Variants in KLHDC4 observed in about 807,000 individuals in gnomAD.
KLHDC4 encodes the protein kelch domain containing 4, also known as kelch domain-containing protein 4.
KLHDC4 carries 90 observed loss-of-function variants against 62.4 expected under a neutral mutation model. The ratio of observed to expected loss-of-function variants is 1.44; its 90% CI spans 1.22 to 1.72. The LOEUF (loss-of-function observed/expected upper bound fraction) is 1.72, where lower values mean the gene tolerates loss of function less well. Ranked by LOEUF, KLHDC4 falls within the 40% of genes most tolerant of loss-of-function variation. The pLI is 0.00. For missense variants in KLHDC4, 1,025 were observed against 699.7 expected (o/e 1.47, Z -5.25); for synonymous variants, 386 against 284.4 (o/e 1.36, Z -3.59).
chr16:87,745,024 A>G (rs2042834523), intron 5 of KLHDC4, among the ~76,000 whole-genome samples: 1 of 152,228 alleles, frequency 6.6e-6, no homozygotes, highest in African/African-American at 2.4e-5. Context: ...GCTTTTTTCC[A>G]AGCATATGTT....
rs74585020 is a variant in KLHDC4 at position 87,749,553 on chromosome 16, C to CAAA, written c.370-747_370-745dup. Among the ~76,000 whole-genome samples, 153 of 76,086 alleles carry CAAA rather than the reference C, an allele frequency of 2.0e-3. 2 individuals are homozygous for CAAA. The highest frequency in any genetic ancestry group is 0.013 in the East Asian group (40 of 3,048). 49.9% of individuals were successfully genotyped at this position (76,086 alleles called of 152,430 possible). A position where few individuals can be genotyped will look rare whatever the true frequency, so the allele number is the denominator to read the frequency against. ...TGGACGACAGAGCGAGACTCCATGT[C>CAAA]AAAAAAAAAAAAAAAAAAGAAAGAA... is the stretch of plus-strand genomic sequence containing the variant. On this transcript the variant is annotated intron_variant, in intron 4 of 11. Transcript: ENST00000270583.
At chr16:87,750,897 T>G (rs1379596809) in intron 4 of KLHDC4, 1 of 152,232 alleles carries the variant, frequency 6.6e-6, no homozygotes, top group Non-Finnish European at 1.5e-5. Context: ...AGGCCAGGTT[T>G]CCTATCATTC....
chr16:87,754,850 T>A (rs1295137587), intron 4 of KLHDC4, among the ~76,000 whole-genome samples: 1 of 152,204 alleles, frequency 6.6e-6, no homozygotes, highest in Non-Finnish European at 1.5e-5. Flanking sequence ...CATGCACACC[T>A]TTCCTGAACA....
chr16:87,753,532 G>A (rs904950502), intron 4 of KLHDC4, among the ~76,000 whole-genome samples: 2 of 152,220 alleles, frequency 1.3e-5, no homozygotes, highest in South Asian at 2.1e-4. Flanking sequence ...GGGAGCAGTG[G>A]CTCACGCCTG....
At chr16:87,764,568 G>A (rs2046329956) in intron 1 of KLHDC4, among the ~76,000 whole-genome samples, 1 of 134,048 alleles carries the variant, frequency 7.5e-6, no homozygotes, top group African/African-American at 2.8e-5. Flanking sequence ...AGAACCACTT[G>A]AACCTGGGAG....
intron 4 of KLHDC4, among the ~76,000 whole-genome samples, chr16:87,749,397 T>TAC (rs763018835): frequency 6.6e-5 from 10 of 151,690 alleles, no homozygotes; most frequent in Non-Finnish European, 1.3e-4. Flanking sequence ...CTACTAAAAA[T>TAC]ACAAACATTA....
chr16:87,705,731 G>C (rs1354239193), downstream of KLHDC4, among the ~76,000 whole-genome samples: 1 of 152,162 alleles, frequency 6.6e-6, no homozygotes, highest in Non-Finnish European at 1.5e-5. Context: ...GAAAGAACCG[G>C]CCACACAATG....
intron 5 of KLHDC4, among the ~76,000 whole-genome samples, chr16:87,740,085 G>A (rs1472663582): frequency 6.6e-6 from 1 of 152,170 alleles, no homozygotes. Flanking sequence ...CCAATGGAGG[G>A]AGACGAATCT....
chr16:87,748,723 G>C lies in KLHDC4; in HGVS notation c.456C>G (p.Tyr152Ter). Residue 152 changes from tyrosine to a stop codon, truncating the protein, a stop_gained, in exon 5 of 12, where the codon TAC becomes TAG. Transcript: ENST00000270583. LOFTEE classifies it high-confidence loss of function. ...ASPNGEQFYH[Y>*]KDLWVLHLAT... ...CCAAATGCAGGACCCAGAGATCCTTGTAGTGGTAGAACTGCTCTCCGTTGG... is the reference window on the plus strand; with the variant it reads ...CCAAATGCAGGACCCAGAGATCCTTCTAGTGGTAGAACTGCTCTCCGTTGG... The C allele has an allele frequency of 6.2e-7, 1 of 1,613,598 alleles. No homozygotes were observed. Among genetic ancestry groups the C allele is most frequent in the Non-Finnish European group, 8.5e-7 (1 of 1,179,914 alleles).
Position 87,755,248 on chromosome 16 carries a change from G to A in KLHDC4, c.315C>T (p.Asp105=), listed in dbSNP as rs767728247. 1.6e-5 allele frequency: 26 copies of A among 1,611,444 alleles called. 1 individual carries two copies. In the South Asian group the frequency reaches 1.8e-4, roughly 11 times the overall value. Reference sequence around the variant, plus strand: ...TGGGGATGTCAACTTTGGTCCAGGTGTCCTTTCTGGTATTGTAGACATAGA... The same window carrying A: ...TGGGGATGTCAACTTTGGTCCAGGTATCCTTTCTGGTATTGTAGACATAGA... The part of the protein sequence containing the change: ...NELYVYNTRK[D]TWTKVDIPSP... The change falls in exon 4 of 12, where the codon GAC becomes GAT. Residue 105 remains aspartate (D), a synonymous_variant. Transcript: ENST00000270583.
chr16:87,727,485 C>T (rs1007475195), intron 6 of KLHDC4, among the ~76,000 whole-genome samples: 4 of 152,112 alleles, frequency 2.6e-5, no homozygotes, highest in African/African-American at 7.2e-5. Context: ...GGGGACTGGG[C>T]GCTCCAGGGA....
At chr16:87,734,829 G>T (rs538309471) in intron 5 of KLHDC4, among the ~76,000 whole-genome samples, 1 of 152,066 alleles carries the variant, frequency 6.6e-6, no homozygotes, top group African/African-American at 2.4e-5. Flanking sequence ...CACCGCAGGG[G>T]ACAGCACCAT....
At chr16:87,751,495 T>C (rs1449902988) in intron 4 of KLHDC4, among the ~76,000 whole-genome samples, 1 of 138,596 alleles carries the variant, frequency 7.2e-6, no homozygotes, top group East Asian at 2.2e-4. Flanking sequence ...AAAAAAAAAA[T>C]GAACTTTATG....
At chr16:87,704,056 C>T (rs111446033), downstream of KLHDC4, among the ~76,000 whole-genome samples, 1,000 of 152,348 alleles carry the variant, frequency 6.6e-3, 3 homozygotes, top group Non-Finnish European at 0.012. Flanking sequence ...AGCTAGAGCT[C>T]GGCTCCTTTT....
At position 87,747,015 on chromosome 16, in the gene KLHDC4, G is replaced by A. The variant is rs140394293; in HGVS notation, c.506+1658C>T. On this transcript the variant is annotated intron_variant, in intron 5 of 11. Transcript: ENST00000270583. The stretch of plus-strand genomic sequence containing the variant: ...GTAGGGGCTGCCATCCGCAGCTGCC[G>A]GCCCAAGAGAGGGGCCAGGGCCACT... 4.7e-3 allele frequency among the ~76,000 whole-genome samples: 710 copies of A among 152,336 alleles called. 7 individuals are homozygous for A. The highest frequency in any genetic ancestry group is 0.016 in the African/African-American group (659 of 41,578).
intron 3 of KLHDC4, 56 bp from the exon 4 acceptor site, chr16:87,755,348 G>C: frequency 2.1e-6 from 2 of 933,938 alleles, no homozygotes; most frequent in Non-Finnish European, 3.5e-6. Context: ...CAAGGAAGTG[G>C]TGAGAACAAT....
chr16:87,755,044 A>G, intron 4 of KLHDC4, 150 bp downstream of exon 4: 1 of 540,778 alleles, frequency 1.8e-6, no homozygotes. Flanking sequence ...AAGCTGAGTA[A>G]GGAATCCAAG....
In KLHDC4 at chr16:87,714,692, C is replaced by T. The variant is rs1177689439; in HGVS notation, c.760-119G>A. ...GCTGGAGGCCTTCCCTGTAGACCAGCCCCAAAGCTCCAAAGCGTGCCTGCA... is the reference window on the plus strand; with the variant it reads ...GCTGGAGGCCTTCCCTGTAGACCAGTCCCAAAGCTCCAAAGCGTGCCTGCA... On this transcript the variant is annotated intron_variant, in intron 7 of 11. Transcript: ENST00000270583. 3 of 1,027,994 alleles carry T rather than the reference C, an allele frequency of 2.9e-6. No individual in the cohort carries two copies. In the African/African-American group the frequency reaches 4.7e-5, roughly 16 times the overall value. 63.7% of individuals were successfully genotyped at this position (1,027,994 alleles called of 1,614,324 possible). A position where few individuals can be genotyped will look rare whatever the true frequency, so the allele number is the denominator to read the frequency against.
At chr16:87,726,023 G>T (rs547025971) in intron 7 of KLHDC4, among the ~76,000 whole-genome samples, 1 of 152,140 alleles carries the variant, frequency 6.6e-6, no homozygotes, top group African/African-American at 2.4e-5. Context: ...GCCCTAACAC[G>T]GCACCAAGTT....
Sources: allele counts gnomAD v4.1 joint callset (sites outside exome capture counted in the v4.1 genomes callset), GRCh38; gene constraint gnomAD v4.1.1; transcripts MANE v1.5; gene names NCBI Gene and HGNC (gene_info 2026-07-23, HGNC 2026-07-21).